Variants in PDE10A observed in about 807,000 individuals in gnomAD.
PDE10A encodes phosphodiesterase 10A.
Under a neutral mutation model 97.7 loss-of-function variants are expected in PDE10A, and 39 were observed. The observed-to-expected ratio is 0.40, with a 90% CI of 0.31 to 0.52. The LOEUF is 0.52. Ranked by LOEUF, PDE10A falls within the 20% of genes least tolerant of loss-of-function variation. PDE10A has a pLI of 0.56. For synonymous variants in PDE10A, 371 were observed against 376.8 expected (o/e 0.98, Z 0.18); for missense variants, 731 against 1,047.8 (o/e 0.70, Z 4.17).
At chr6:165,894,522 A>T (rs1436067357) in intron 1 of PDE10A, 1 of 456,060 alleles carries the variant, frequency 2.2e-6, no homozygotes, top group Non-Finnish European at 4.4e-6. Flanking sequence ...TGTGGGAGGG[A>T]GTTTTAATAG....
chr6:165,619,480 T>TAGTGC (rs1258653289), intron 1 of PDE10A, among the ~76,000 whole-genome samples: 1 of 142,880 alleles, frequency 7.0e-6, no homozygotes, highest in African/African-American at 2.9e-5. Flanking sequence ...TAGTGTAGTC[T>TAGTGC]AGTGTAGTCT....
intron 2 of PDE10A, among the ~76,000 whole-genome samples, chr6:165,541,328 TAAG>T (rs771772107): frequency 6.6e-5 from 10 of 152,134 alleles, no homozygotes; most frequent in Non-Finnish European, 1.5e-4. Flanking sequence ...AAAAAAAAGT[TAAG>T]TGAGGAGGAG....
At chr6:165,539,723 C>T (rs1375277052) in intron 2 of PDE10A, among the ~76,000 whole-genome samples, 2 of 151,782 alleles carry the variant, frequency 1.3e-5, no homozygotes, top group Admixed American at 1.3e-4. Flanking sequence ...GATTGGGAGA[C>T]CAAGCTGGCC....
chr6:165,945,860 T>G (rs572421072), intron 1 of PDE10A, among the ~76,000 whole-genome samples: 166 of 152,384 alleles, frequency 1.1e-3, no homozygotes, highest in Middle Eastern at 3.4e-3. Flanking sequence ...TTCTGTCTAC[T>G]TCATAGATAA....
intron 1 of PDE10A, among the ~76,000 whole-genome samples, chr6:165,653,122 T>C (rs1789764890): frequency 6.6e-6 from 1 of 152,236 alleles, no homozygotes; most frequent in Non-Finnish European, 1.5e-5. Context: ...AATCACATTA[T>C]GTATTTCATT....
intron 1 of PDE10A, among the ~76,000 whole-genome samples, chr6:165,624,072 G>T (rs1788273376): frequency 6.6e-6 from 1 of 152,182 alleles, no homozygotes; most frequent in Non-Finnish European, 1.5e-5. Flanking sequence ...ATTCAGTCTG[G>T]TTCAAAGTCT....
At chr6:165,732,964 C>T (rs1792477225) in intron 1 of PDE10A, among the ~76,000 whole-genome samples, 1 of 152,210 alleles carries the variant, frequency 6.6e-6, no homozygotes, top group South Asian at 2.1e-4. Context: ...CTCTCAGGTC[C>T]CTGGTTCCTA....
chr6:165,827,855 C>G (rs978532801), intron 1 of PDE10A, among the ~76,000 whole-genome samples: 1 of 152,166 alleles, frequency 6.6e-6, no homozygotes, highest in African/African-American at 2.4e-5. Context: ...CATTCTTACG[C>G]CTTTGCATCC....
At position 165,716,920 on chromosome 6, in the gene PDE10A, G is replaced by A. The variant is rs553518898; in HGVS notation, c.-614-173352C>T. 3.9e-5 allele frequency among the ~76,000 whole-genome samples: 6 copies of A among 152,194 alleles called. No homozygotes were observed. In the East Asian group the frequency reaches 1.2e-3, roughly 29 times the overall value. The stretch of plus-strand genomic sequence containing the variant: ...TTAAGTACCTTCACACTGATCAGCC[G>A]TCACCACCGTCCATCTCCAGAACAC... On this transcript the variant is annotated intron_variant, in intron 1 of 19. Coordinates refer to the PDE10A transcript ENST00000366882.
rs148845227 is a variant in PDE10A at position 165,336,176 on chromosome 6, A to G, written c.3012T>C (p.Tyr1004=). 9.7e-4 allele frequency: 1,559 copies of G among 1,614,144 alleles called. 2 individuals are homozygous for G. Among genetic ancestry groups the G allele is most frequent in the Non-Finnish European group, 1.0e-3 (1,203 of 1,180,014 alleles). ...GAGGGAGGATCTGGGTAAGGGTTGT[A>G]TAGCAGGGAATGGCCACGGCATTGT... ...GFYNAVAIPC[Y]TTLTQILPPT... Residue 1004 remains tyrosine (Y), a synonymous_variant, in exon 21 of 22, where the codon TAT becomes TAC. Transcript: ENST00000539869.
chr6:165,850,953 A>G (rs778839000), intron 1 of PDE10A, among the ~76,000 whole-genome samples: 1 of 152,238 alleles, frequency 6.6e-6, no homozygotes, highest in Non-Finnish European at 1.5e-5. Context: ...GTTTATCCTC[A>G]TCAGTCACTG....
chr6:165,944,573 G>A (rs191110126), intron 1 of PDE10A, among the ~76,000 whole-genome samples: 1 of 152,098 alleles, frequency 6.6e-6, no homozygotes, highest in African/African-American at 2.4e-5. Context: ...TTTTTATTGG[G>A]TTCCTCATCT....
chr6:165,348,440 T>C (rs1410156720), intron 18 of PDE10A, among the ~76,000 whole-genome samples: 1 of 152,238 alleles, frequency 6.6e-6, no homozygotes, highest in Non-Finnish European at 1.5e-5. Flanking sequence ...GGGACCATGC[T>C]TGCTAATTTC....
At chr6:165,855,526 G>C (rs1474576248) in intron 1 of PDE10A, among the ~76,000 whole-genome samples, 1 of 151,438 alleles carries the variant, frequency 6.6e-6, no homozygotes, top group Non-Finnish European at 1.5e-5. Flanking sequence ...CACGCAGCCC[G>C]GGTTCATGTG....
chr6:165,399,489 T>C (rs566967245), intron 13 of PDE10A, among the ~76,000 whole-genome samples: 32 of 152,298 alleles, frequency 2.1e-4, no homozygotes, highest in African/African-American at 7.2e-4. Flanking sequence ...CGTGCAGGTT[T>C]GTTACATATG....
chr6:165,545,235 T>C (rs187985617), intron 1 of PDE10A: 70 of 497,628 alleles, frequency 1.4e-4, no homozygotes, highest in Non-Finnish European at 2.3e-4. Flanking sequence ...CAACAATCCA[T>C]AATGACGACA....
chr6:165,641,786 G>A (rs574700254), intron 1 of PDE10A, among the ~76,000 whole-genome samples: 19 of 152,264 alleles, frequency 1.2e-4, no homozygotes, highest in Admixed American at 5.2e-4. Flanking sequence ...ATTCCTCTTC[G>A]GACTGTTATG....
chr6:165,647,129 G>A (rs1332242627), intron 1 of PDE10A, among the ~76,000 whole-genome samples: 2 of 152,198 alleles, frequency 1.3e-5, no homozygotes, highest in Non-Finnish European at 2.9e-5. Context: ...GCATGTACAG[G>A]ACTAAGTCCA....
chr6:165,977,593 G>A (rs992807132), intron 1 of PDE10A, among the ~76,000 whole-genome samples: 2 of 152,186 alleles, frequency 1.3e-5, no homozygotes, highest in African/African-American at 2.4e-5. Flanking sequence ...AATTTTAAGT[G>A]TTCCCATGAA....
Sources: allele counts gnomAD v4.1 joint callset (sites outside exome capture counted in the v4.1 genomes callset), GRCh38; gene constraint gnomAD v4.1.1; transcripts MANE v1.5; gene names NCBI Gene and HGNC (gene_info 2026-07-23, HGNC 2026-07-21).